Variants in KCNH7 observed in about 807,000 individuals in gnomAD.
KCNH7 encodes the protein voltage-gated inwardly rectifying potassium channel KCNH7.
A neutral mutation model predicts 120.8 loss-of-function variants in KCNH7; 49 were observed. That is an observed-to-expected ratio of 0.41 (90% CI 0.32 to 0.51). The LOEUF (loss-of-function observed/expected upper bound fraction) is 0.51. Among genes scored for constraint, KCNH7 ranks in the 20% least tolerant of loss-of-function variants. The pLI, the probability that KCNH7 is intolerant of heterozygous loss-of-function variation, is 0.38. For synonymous variants in KCNH7, 547 were observed against 516.1 expected (o/e 1.06, Z -0.81); for missense variants, 1,097 against 1,446.6 (o/e 0.76, Z 3.92).
chr2:162,616,690 T>C (rs953782242), intron 2 of KCNH7, among the ~76,000 whole-genome samples: 4 of 152,162 alleles, frequency 2.6e-5, no homozygotes, highest in Admixed American at 1.3e-4. Flanking sequence ...GAAAAACAAG[T>C]AGCAGAGAAA....
At chr2:162,709,544 T>C (rs1686843918) in intron 2 of KCNH7, among the ~76,000 whole-genome samples, 2 of 152,094 alleles carry the variant, frequency 1.3e-5, no homozygotes, top group Admixed American at 6.6e-5. Flanking sequence ...TCTGTAGCTA[T>C]TTCTTATCTA....
chr2:162,496,405 G>T (rs2160703), intron 6 of KCNH7, among the ~76,000 whole-genome samples: 1 of 151,976 alleles, frequency 6.6e-6, no homozygotes, highest in South Asian at 2.1e-4. Flanking sequence ...ATGCGCACTG[G>T]GGGGATGGAG....
At chr2:162,426,746 T>C (rs146572802) in intron 8 of KCNH7, among the ~76,000 whole-genome samples, 1,813 of 152,312 alleles carry the variant, frequency 0.012, 20 homozygotes, top group South Asian at 0.024. Flanking sequence ...ATATGTAAGA[T>C]GCATCTATTT....
chr2:162,622,546 T>G (rs1574183141), intron 2 of KCNH7, among the ~76,000 whole-genome samples: 1 of 152,196 alleles, frequency 6.6e-6, no homozygotes, highest in East Asian at 1.9e-4. Flanking sequence ...TACTTGGCAG[T>G]ACTTCCCTTG....
intron 2 of KCNH7, among the ~76,000 whole-genome samples, chr2:162,658,700 T>C (rs560713524): frequency 6.6e-6 from 1 of 152,320 alleles, no homozygotes; most frequent in Non-Finnish European, 1.5e-5. Flanking sequence ...TTTTGTTAGA[T>C]TTATAACTAA....
chr2:162,516,460 C>T (rs1489112902), intron 4 of KCNH7, among the ~76,000 whole-genome samples: 1 of 151,550 alleles, frequency 6.6e-6, no homozygotes, highest in East Asian at 2.0e-4. Flanking sequence ...TGGGAAAAGG[C>T]AAATTATATC....
intron 6 of KCNH7, among the ~76,000 whole-genome samples, chr2:162,482,496 A>C (rs1689961998): frequency 6.6e-6 from 1 of 152,162 alleles, no homozygotes; most frequent in Non-Finnish European, 1.5e-5. Context: ...GATATATTAA[A>C]GCGAGTTCAT....
intron 2 of KCNH7, among the ~76,000 whole-genome samples, chr2:162,620,357 G>T (rs1266482259): frequency 6.6e-6 from 1 of 151,880 alleles, no homozygotes; most frequent in Non-Finnish European, 1.5e-5. Context: ...TCTTGGCCCA[G>T]AAATTGTAAG....
In KCNH7 at chr2:162,807,277, A is replaced by C. The variant is rs1001360656; in HGVS notation, c.307+29260T>G. Among the ~76,000 whole-genome samples, 11 of 150,058 alleles carry C rather than the reference A, an allele frequency of 7.3e-5. No homozygotes were observed. The East Asian group carries it at 9.9e-4, about 14-fold the overall frequency. ...AATACAAAAAAAAAAAAAAAAAAAA[A>C]AAAAAACAAATTAGCCAGGTGTGGT... is the stretch of plus-strand genomic sequence containing the variant. On this transcript the variant is annotated intron_variant, in intron 2 of 15. Coordinates refer to ENST00000332142, the MANE Select transcript of KCNH7 (RefSeq NM_033272.4).
chr2:162,575,899 A>G (rs561999027), intron 2 of KCNH7, among the ~76,000 whole-genome samples: 2 of 152,232 alleles, frequency 1.3e-5, no homozygotes, highest in Non-Finnish European at 2.9e-5. Flanking sequence ...CTGTAAAATT[A>G]AACCAAACAG....
chr2:162,493,143 G>A (rs567086357), intron 6 of KCNH7, among the ~76,000 whole-genome samples: 8 of 151,936 alleles, frequency 5.3e-5, no homozygotes, highest in Non-Finnish European at 7.4e-5. Flanking sequence ...TTTTTGGCCT[G>A]GGAAACTACA....
rs78227605 is a variant in KCNH7, at chr2:162,747,750, T to C, written c.307+88787A>G. On this transcript the variant is annotated intron_variant, in intron 2 of 15. Transcript: ENST00000332142. ...TAGTTTGATGTTATGACTTCTATTA[T>C]AGAATGGAATCCTCGATACTCATAT... 5.7e-3 allele frequency among the ~76,000 whole-genome samples: 864 copies of C among 152,294 alleles called. 3 individuals carry two copies. The highest frequency in any genetic ancestry group is 9.0e-3 in the Non-Finnish European group (611 of 68,012).
intron 2 of KCNH7, among the ~76,000 whole-genome samples, chr2:162,648,937 T>G (rs1684475246): frequency 6.6e-6 from 1 of 152,214 alleles, no homozygotes; most frequent in South Asian, 2.1e-4. Flanking sequence ...CATTACACAT[T>G]TGCTTACTTA....
In KCNH7 at chr2:162,715,098, T is replaced by C. The variant is rs72873589; in HGVS notation, c.307+121439A>G. 3.4e-3 allele frequency among the ~76,000 whole-genome samples: 518 copies of C among 152,284 alleles called. 2 individuals are homozygous for C. Among genetic ancestry groups the C allele is most frequent in the Non-Finnish European group, 5.4e-3 (368 of 68,030 alleles). ...TGTCATAAGTTGGTATATTAGGCCA[T>C]TGTGGATTACTATAAAGAAATACCT... On this transcript the variant is annotated intron_variant, in intron 2 of 15. Transcript: ENST00000332142.
At chr2:162,452,879 A>G (rs1038455102) in intron 6 of KCNH7, among the ~76,000 whole-genome samples, 1 of 152,088 alleles carries the variant, frequency 6.6e-6, no homozygotes, top group African/African-American at 2.4e-5. Flanking sequence ...TTCTTTTAAT[A>G]TTCGTTTCTA....
intron 6 of KCNH7, among the ~76,000 whole-genome samples, chr2:162,460,583 C>T (rs2105603689): frequency 6.6e-6 from 1 of 152,174 alleles, no homozygotes; most frequent in African/African-American, 2.4e-5. Context: ...TGTCCACAAG[C>T]CAAAGAACAC....
At chr2:162,390,121 A>G (rs576866235) in intron 12 of KCNH7, among the ~76,000 whole-genome samples, 1 of 152,062 alleles carries the variant, frequency 6.6e-6, no homozygotes, top group East Asian at 1.9e-4. Flanking sequence ...AGCTATTAAT[A>G]GCCACTTTGA....
chr2:162,399,702 A>G (rs1288179875), intron 10 of KCNH7, among the ~76,000 whole-genome samples: 2 of 151,930 alleles, frequency 1.3e-5, no homozygotes, highest in African/African-American at 4.8e-5. Context: ...TACCTAGTTA[A>G]GGACTGTATG....
At chr2:162,484,673 C>T (rs1690034787) in intron 6 of KCNH7, among the ~76,000 whole-genome samples, 1 of 152,132 alleles carries the variant, frequency 6.6e-6, no homozygotes, top group Non-Finnish European at 1.5e-5. Context: ...GAAGGTGGGG[C>T]CTAATGGGAG....
Sources: allele counts gnomAD v4.1 joint callset (sites outside exome capture counted in the v4.1 genomes callset), GRCh38; gene constraint gnomAD v4.1.1; transcripts MANE v1.5; gene names NCBI Gene and HGNC (gene_info 2026-07-23, HGNC 2026-07-21).